NCKIPSD: variants seen among roughly 807,000 people sequenced by gnomAD.
NCKIPSD encodes the protein NCK interacting protein with SH3 domain, also known as NCK-interacting protein with SH3 domain.
NCKIPSD carries 48 observed loss-of-function variants against 73.4 expected under a neutral mutation model. That is an observed-to-expected ratio of 0.65 (90% CI 0.52 to 0.83). The LOEUF is 0.83. NCKIPSD is among the 40% of genes least tolerant of loss of function. The pLI is 0.00. For synonymous variants in NCKIPSD, 422 were observed against 403.6 expected, an observed-to-expected ratio of 1.05 and a Z score of -0.54; for missense variants, 884 against 970.2, an observed-to-expected ratio of 0.91 and a Z score of 1.18.
At chr3:48,684,015 CACACAG>C (rs1229990189) in intron 1 of NCKIPSD, among the ~76,000 whole-genome samples, 2 of 149,666 alleles carry the variant, frequency 1.3e-5, no homozygotes, top group Admixed American at 6.7e-5. Context: ...CACACACACA[CACACAG>C]AGAGAGAGAG....
chr3:48,684,172 G>A (rs955694652), intron 1 of NCKIPSD, among the ~76,000 whole-genome samples: 5 of 152,052 alleles, frequency 3.3e-5, no homozygotes, highest in East Asian at 1.9e-4. Context: ...ATGTGGAGTC[G>A]GAACGACACA....
chr3:48,684,555 A>G (rs1162526113), intron 1 of NCKIPSD, among the ~76,000 whole-genome samples: 1 of 152,186 alleles, frequency 6.6e-6, no homozygotes, highest in Non-Finnish European at 1.5e-5. Context: ...TTCCAAATTT[A>G]TCCCGTTATT....
Position 48,681,374 on chromosome 3 carries a change from G to A in NCKIPSD, c.1005C>T (p.Ile335=), listed in dbSNP as rs201298131. Residue 335 remains isoleucine, a synonymous_variant, in exon 5 of 13, where the codon ATC becomes ATT. Transcript: ENST00000294129. ...GLSHELCRVA[I]GIIVGHIQAS... ...CCTGGATGTGACCCACTATGATGCC[G>A]ATGGCCACCCGGCATAATTCGTGGC... The A allele has an allele frequency of 8.1e-6, 13 of 1,611,770 alleles. No individual in the cohort carries two copies. In the Admixed American group the frequency reaches 1.2e-4, roughly 14 times the overall value.
chr3:48,680,685 T>C (rs773796587), intron 5 of NCKIPSD, among the ~76,000 whole-genome samples: 3 of 152,060 alleles, frequency 2.0e-5, no homozygotes, highest in Middle Eastern at 3.2e-3. Context: ...ACAGGAACCA[T>C]GGAGCACTAA....
At chr3:48,680,975 C>T (rs1004160751) in intron 5 of NCKIPSD, among the ~76,000 whole-genome samples, 1 of 152,154 alleles carries the variant, frequency 6.6e-6, no homozygotes, top group African/African-American at 2.4e-5. Context: ...CTGTCACCTG[C>T]CCCAGGTCTC....
At chr3:48,683,213 C>T (rs1456062211) in intron 1 of NCKIPSD, among the ~76,000 whole-genome samples, 4 of 152,164 alleles carry the variant, frequency 2.6e-5, no homozygotes, top group Admixed American at 2.6e-4. Context: ...CAGGGTGACC[C>T]CCATGCTGCC....
Position 48,680,101 on chromosome 3 carries a change from C to A in NCKIPSD, c.1221G>T (p.Glu407Asp), listed in dbSNP as rs1486740837. The change falls in exon 6 of 13, where the codon GAG becomes GAT. Residue 407 changes from glutamate to aspartate, a missense_variant. By Grantham distance (45) the Glu-to-Asp change is conservative. Coordinates refer to ENST00000294129, the MANE Select transcript of NCKIPSD (RefSeq NM_016453.4). ...CCTCTAGGTAGCAGCGGATGACACC[C>A]TCATCCTCATATAGTGCCCAACTGC... ...QQRSWALYED[E>D]GVIRCYLEEL... is the part of the protein sequence containing the mutation. 4 of 1,614,058 alleles carry A rather than the reference C, an allele frequency of 2.5e-6. No homozygotes were observed. Among genetic ancestry groups the A allele is most frequent in the Non-Finnish European group, 3.4e-6 (4 of 1,179,950 alleles).
intron 2 of NCKIPSD, 88 bp downstream of exon 2, chr3:48,682,815 C>G (rs576480736): frequency 6.7e-7 from 1 of 1,493,590 alleles, no homozygotes; most frequent in African/African-American, 1.4e-5. Context: ...TCGCATTTCC[C>G]AGGCCCACCT....
rs2077351412 is a variant in NCKIPSD, at chr3:48,681,447, G to A, written c.932C>T (p.Thr311Ile). The change falls in exon 5 of 13, where the codon ACC (threonine) becomes ATC (isoleucine). Residue 311 changes from threonine to isoleucine, a missense_variant. Physicochemically the swap from Thr to Ile is moderately conservative, Grantham distance 89. Coordinates refer to ENST00000294129, the MANE Select transcript of NCKIPSD (RefSeq NM_016453.4). ...CAGCTCCATCAGCTCGGCCCCAATG[G>A]TCCTGGGCACAGCCGCCTCAGCTGC... ...KAAAEAAVPR[T>I]IGAELMELVR... The A allele has an allele frequency of 6.2e-7, 1 of 1,614,002 alleles. No individual in the cohort carries two copies. The highest frequency in any genetic ancestry group is 1.1e-5 in the South Asian group (1 of 91,094).
chr3:48,679,322 G>A lies in NCKIPSD; in HGVS notation c.1570+55C>T. 2.5e-6 allele frequency: 4 copies of A among 1,612,816 alleles called. No individual in the cohort carries two copies. In the South Asian group the frequency reaches 3.3e-5, roughly 13 times the overall value. On this transcript the variant is annotated intron_variant, in intron 9 of 12. Transcript: ENST00000294129. ...TAGTCAGCAGGTCCCAGGCCCTCGG[G>A]CAATGGGCCCTGGCTTAGGACCTGT... is the stretch of plus-strand genomic sequence containing the variant.
At position 48,679,895 on chromosome 3, in the gene NCKIPSD, A is replaced by C; in HGVS notation, c.1264-8T>G. On this transcript the variant is annotated splice_polypyrimidine_tract_variant and splice_region_variant and intron_variant, in intron 6 of 12. Transcript: ENST00000294129. ...TTCAGGGTCTGCATCAGTCTACAGAAATGAGGAAGTGAGAGCATCAGCCAC... is the reference window on the plus strand; with the variant it reads ...TTCAGGGTCTGCATCAGTCTACAGACATGAGGAAGTGAGAGCATCAGCCAC... 6.2e-7 allele frequency: 1 copy of C among 1,614,180 alleles called. No individual in the cohort carries two copies. Among genetic ancestry groups the C allele is most frequent in the Non-Finnish European group, 8.5e-7 (1 of 1,180,032 alleles).
At chr3:48,676,530 G>C (rs960345038) in intron 12 of NCKIPSD, among the ~76,000 whole-genome samples, 3 of 152,120 alleles carry the variant, frequency 2.0e-5, no homozygotes, top group African/African-American at 7.2e-5. Context: ...GCCCAGGCTG[G>C]AGTGCAATGA....
In NCKIPSD at chr3:48,682,145, T is replaced by C. The variant is rs770994046; in HGVS notation, c.498A>G (p.Pro166=). ...GAGGCTGTGGTGGGATCTGGGAAGA[T>C]GGAAGTGGGATCTGGAAGATGGAAG... ...ADGGLYQIPL[P]SSQIPPQPRR... The change falls in exon 4 of 13, where the codon CCA becomes CCG. Residue 166 remains proline (P), a synonymous_variant. Coordinates refer to ENST00000294129, the MANE Select transcript of NCKIPSD (RefSeq NM_016453.4). The C allele has an allele frequency of 2.4e-5, 38 of 1,597,300 alleles. No homozygotes were observed. Among genetic ancestry groups the C allele is most frequent in the South Asian group, 1.5e-4 (14 of 90,742 alleles).
intron 12 of NCKIPSD, among the ~76,000 whole-genome samples, chr3:48,676,996 C>T (rs570459599): frequency 2.1e-5 from 3 of 144,664 alleles, no homozygotes; most frequent in East Asian, 4.3e-4. Context: ...AGGCTGGTCT[C>T]GAATTCCTGA....
intron 1 of NCKIPSD, 123 bp from the exon 2 acceptor site, chr3:48,683,135 T>A: frequency 4.0e-6 from 6 of 1,504,398 alleles, no homozygotes; most frequent in Non-Finnish European, 5.3e-6. Context: ...ATGCTAGACA[T>A]AGCACAAAAA....
In NCKIPSD at chr3:48,674,742, G is replaced by A; in HGVS notation, c.1971C>T (p.Arg657=). 1 of 1,613,876 alleles carries A rather than the reference G, an allele frequency of 6.2e-7. No homozygotes were observed. The highest frequency in any genetic ancestry group is 8.5e-7 in the Non-Finnish European group (1 of 1,179,922). Residue 657 remains arginine (R), a synonymous_variant, in exon 13 of 13, where the codon CGC becomes CGT. Transcript: ENST00000294129. The part of the protein sequence containing the change: ...IADLSPGDKL[R]MEYLSLMHAI... ...CATGCATCAGGGAGAGGTACTCCAT[G>A]CGCAGCTGTGGGAAGAGCAGGCCAG...
At chr3:48,677,797 C>T (rs147167448) in intron 12 of NCKIPSD, among the ~76,000 whole-genome samples, 1 of 152,162 alleles carries the variant, frequency 6.6e-6, no homozygotes, top group Non-Finnish European at 1.5e-5. Flanking sequence ...GGCTGCAGCC[C>T]GAACTTCCCG....
chr3:48,679,480 T>C (rs763250503), intron 8 of NCKIPSD, 23 bp from the exon 9 acceptor site: 1 of 1,607,418 alleles, frequency 6.2e-7, no homozygotes, highest in Non-Finnish European at 8.5e-7. Flanking sequence ...AGGCAGGCAG[T>C]CAGAGTCCCC....
chr3:48,676,138 C>T (rs2077253212), intron 12 of NCKIPSD, among the ~76,000 whole-genome samples: 1 of 152,224 alleles, frequency 6.6e-6, no homozygotes, highest in African/African-American at 2.4e-5. Flanking sequence ...GAGCCTCCCA[C>T]TGCTTTTCTC....
Sources: gnomAD v4.1 joint callset for allele counts (sites outside exome capture counted in the v4.1 genomes callset) on GRCh38, gnomAD v4.1.1 for gene constraint, MANE v1.5 for transcripts, NCBI Gene and HGNC (gene_info 2026-07-23, HGNC 2026-07-21) for gene names.